The following GAP43 variants were observed in gnomAD, a reference collection of about 807,000 sequenced individuals.
The protein encoded by GAP43 is growth associated protein 43.
Under a neutral mutation model 18.6 loss-of-function variants are expected in GAP43, and 6 were observed. The observed-to-expected ratio is 0.32, with a 90% confidence interval of 0.18 to 0.64. The LOEUF is 0.64. GAP43 is among the 30% of genes least tolerant of loss of function. The pLI is 0.78. For missense variants in GAP43, 292 were observed against 295.5 expected (o/e 0.99, Z 0.09); for synonymous variants, 115 against 111.4 (o/e 1.03, Z -0.20).
At chr3:115,710,840 C>T (rs1259810589) in intron 2 of GAP43, among the ~76,000 whole-genome samples, 1 of 152,078 alleles carries the variant, frequency 6.6e-6, no homozygotes, top group African/African-American at 2.4e-5. Flanking sequence ...AAGAACATAG[C>T]CTATTTTTTT....
intron 2 of GAP43, among the ~76,000 whole-genome samples, chr3:115,680,558 T>C (rs1453379831): frequency 6.6e-6 from 1 of 152,124 alleles, no homozygotes; most frequent in Non-Finnish European, 1.5e-5. Context: ...GGGAATGACA[T>C]TGAAAACAAT....
chr3:115,688,463 T>C (rs283378), intron 2 of GAP43, among the ~76,000 whole-genome samples: 30,505 of 121,284 alleles, frequency 0.25, 3,908 homozygotes, highest in African/African-American at 0.47. Context: ...TTTAAAAAAC[T>C]CTATCTATAC....
intron 1 of GAP43, among the ~76,000 whole-genome samples, chr3:115,675,327 C>A (rs1463540249): frequency 6.6e-6 from 1 of 152,156 alleles, no homozygotes; most frequent in African/African-American, 2.4e-5. Context: ...GCCTTCACTT[C>A]TCAAGGTGCT....
At chr3:115,670,242 C>T (rs1305948716) in intron 1 of GAP43, among the ~76,000 whole-genome samples, 5 of 134,598 alleles carry the variant, frequency 3.7e-5, no homozygotes, top group Admixed American at 8.2e-5. Context: ...TGAGAATATG[C>T]GGTGTTTGGT....
At chr3:115,638,949 C>G (rs1265104835) in intron 1 of GAP43, among the ~76,000 whole-genome samples, 1 of 152,036 alleles carries the variant, frequency 6.6e-6, no homozygotes, top group Non-Finnish European at 1.5e-5. Flanking sequence ...ATCTCTTTTG[C>G]TATACCAGGA....
chr3:115,677,154 C>T (rs192875294), intron 2 of GAP43, among the ~76,000 whole-genome samples: 102 of 152,216 alleles, frequency 6.7e-4, no homozygotes, highest in African/African-American at 1.9e-3. Context: ...TCTCCACCAT[C>T]GGTTGGTGAG....
At chr3:115,706,436 A>G (rs572642897) in intron 2 of GAP43, among the ~76,000 whole-genome samples, 1 of 152,256 alleles carries the variant, frequency 6.6e-6, no homozygotes, top group African/African-American at 2.4e-5. Context: ...CTCATTCAGT[A>G]TGGTAAACAT....
chr3:115,687,222 C>G (rs753546125), intron 2 of GAP43, among the ~76,000 whole-genome samples: 1 of 151,122 alleles, frequency 6.6e-6, no homozygotes, highest in Non-Finnish European at 1.5e-5. Flanking sequence ...TACTTATTGT[C>G]TACATGTGGA....
At position 115,720,826 on chromosome 3, in the gene GAP43, G is replaced by A. The variant is rs775694986; in HGVS notation, c.661G>A (p.Ala221Thr). The A allele has an allele frequency of 6.2e-7, 1 of 1,612,898 alleles. No individual in the cohort carries two copies. Among genetic ancestry groups the A allele is most frequent in the African/African-American group, 1.3e-5 (1 of 74,806 alleles). Residue 221 changes from alanine (A) to threonine (T), a missense_variant, in exon 3 of 3, where the codon GCC becomes ACC. Ala to Thr is a moderately conservative substitution (Grantham distance 58, BLOSUM62 0). Transcript: ENST00000305124. The stretch of plus-strand genomic sequence containing the variant: ...AGATGAAACCAAACCTAAGGAAAGT[G>A]CCCGGCAGGACGAGGGTAAAGAAGA... ...AVDETKPKES[A>T]RQDEGKEEEP...
chr3:115,681,601 C>T (rs1708958530), intron 2 of GAP43, among the ~76,000 whole-genome samples: 1 of 152,190 alleles, frequency 6.6e-6, no homozygotes, highest in Non-Finnish European at 1.5e-5. Flanking sequence ...TATTGCTTCT[C>T]TGGACCTCAT....
At chr3:115,646,374 A>C (rs1708457560) in intron 1 of GAP43, among the ~76,000 whole-genome samples, 1 of 152,104 alleles carries the variant, frequency 6.6e-6, no homozygotes, top group Admixed American at 6.6e-5. Flanking sequence ...TATTTATTGG[A>C]TCCCAGAAAG....
chr3:115,696,879 C>G (rs917049113), intron 2 of GAP43, among the ~76,000 whole-genome samples: 1 of 151,516 alleles, frequency 6.6e-6, no homozygotes, highest in Non-Finnish European at 1.5e-5. Flanking sequence ...GTTGCCCAGG[C>G]TAGAGTGTAG....
At chr3:115,674,414 T>TA (rs1324774237) in intron 1 of GAP43, among the ~76,000 whole-genome samples, 1 of 152,238 alleles carries the variant, frequency 6.6e-6, no homozygotes, top group African/African-American at 2.4e-5. Context: ...TCTATGACCA[T>TA]ACCTGCTGTT....
chr3:115,720,699 A>T (rs914804637), intron 2 of GAP43, 95 bp from the exon 3 acceptor site: 1 of 719,054 alleles, frequency 1.4e-6, no homozygotes, highest in African/African-American at 1.8e-5. Context: ...GAAATGACAT[A>T]AAAAGAAGAA....
intron 1 of GAP43, among the ~76,000 whole-genome samples, chr3:115,627,590 A>G (rs1030520536): frequency 3.3e-5 from 5 of 152,148 alleles, no homozygotes; most frequent in Non-Finnish European, 5.9e-5. Context: ...AGGCAAGAAT[A>G]GAGCATATAT....
At chr3:115,706,162 G>A (rs934352967) in intron 2 of GAP43, among the ~76,000 whole-genome samples, 13 of 138,824 alleles carry the variant, frequency 9.4e-5, no homozygotes, top group African/African-American at 3.7e-4. Context: ...GTACTTCCTG[G>A]AAATGAGAAC....
intron 1 of GAP43, among the ~76,000 whole-genome samples, chr3:115,659,139 G>A (rs1708625473): frequency 6.6e-6 from 1 of 152,202 alleles, no homozygotes. Context: ...CGGCCGGCAG[G>A]AAGGTTTCTT....
chr3:115,703,502 G>A (rs1438080394), intron 2 of GAP43, among the ~76,000 whole-genome samples: 2 of 152,080 alleles, frequency 1.3e-5, no homozygotes, highest in Non-Finnish European at 2.9e-5. Context: ...CCCTCTGCCT[G>A]GGGTATCATA....
chr3:115,690,412 T>C (rs1709094281), intron 2 of GAP43, among the ~76,000 whole-genome samples: 1 of 152,122 alleles, frequency 6.6e-6, no homozygotes, highest in Admixed American at 6.5e-5. Flanking sequence ...CAAGGCATGT[T>C]TCAGAAACAT....
Sources: allele counts gnomAD v4.1 joint callset (sites outside exome capture counted in the v4.1 genomes callset), GRCh38; gene constraint gnomAD v4.1.1; transcripts MANE v1.5; gene names NCBI Gene and HGNC (gene_info 2026-07-23, HGNC 2026-07-21).